The following HPSE2 variants were observed in gnomAD, a reference collection of about 807,000 sequenced individuals.
HPSE2 encodes heparanase 2 (inactive).
A neutral mutation model predicts 60.5 loss-of-function variants in HPSE2; 38 were observed. The ratio of observed to expected loss-of-function variants is 0.63; its 90% confidence interval spans 0.48 to 0.82. The LOEUF is 0.82. Ranked by LOEUF, HPSE2 falls within the 40% of genes least tolerant of loss-of-function variation. The pLI is 0.00. For missense variants in HPSE2, 713 were observed against 740.4 expected, an observed-to-expected ratio of 0.96 and a Z score of 0.43; for synonymous variants, 295 against 293.2, an observed-to-expected ratio of 1.01 and a Z score of -0.06.
chr10:98,930,234 T>C (rs1413519259), intron 3 of HPSE2, among the ~76,000 whole-genome samples: 1 of 143,824 alleles, frequency 7.0e-6, no homozygotes, highest in Non-Finnish European at 1.5e-5. Flanking sequence ...GAACATGCAG[T>C]GTTTGGTTTT....
At chr10:98,721,552 A>C (rs994189651) in intron 5 of HPSE2, 105 bp downstream of exon 5, 1 of 1,122,484 alleles carries the variant, frequency 8.9e-7, no homozygotes, top group Non-Finnish European at 1.3e-6. Context: ...CTTTTTTCTT[A>C]AGACCAAAAT....
chr10:98,749,070 T>C (rs930658918), intron 3 of HPSE2, among the ~76,000 whole-genome samples: 13 of 152,146 alleles, frequency 8.5e-5, no homozygotes, highest in African/African-American at 3.1e-4. Flanking sequence ...AGATTGTTTT[T>C]TTTAAATGCA....
At chr10:98,525,742 TG>T (rs1476645355) in intron 9 of HPSE2, among the ~76,000 whole-genome samples, 1 of 152,036 alleles carries the variant, frequency 6.6e-6, no homozygotes, top group East Asian at 1.9e-4. Context: ...TGGGATGGGT[TG>T]GGGGGCATGT....
chr10:99,261,718 A>T, the HPSE2 span, among the ~76,000 whole-genome samples: 1 of 152,128 alleles, frequency 6.6e-6, no homozygotes, highest in Admixed American at 6.5e-5. Context: ...CACCTTCAAG[A>T]TGTACAATAA....
intron 9 of HPSE2, among the ~76,000 whole-genome samples, chr10:98,535,211 G>A (rs971061432): frequency 4.6e-5 from 7 of 152,182 alleles, no homozygotes; most frequent in Admixed American, 1.3e-4. Flanking sequence ...AAAAGTCCAG[G>A]CAATTTTATA....
chr10:99,118,523 C>CAAAAA, intron 3 of HPSE2, among the ~76,000 whole-genome samples: 1 of 102,276 alleles, frequency 9.8e-6, no homozygotes, highest in East Asian at 2.8e-4. Context: ...ACTCCTTCTC[C>CAAAAA]AAAAAAAAAA....
intron 3 of HPSE2, among the ~76,000 whole-genome samples, chr10:99,112,525 G>A (rs890813953): frequency 5.9e-5 from 9 of 152,034 alleles, no homozygotes; most frequent in African/African-American, 1.9e-4. Context: ...TCCTGACCTC[G>A]TGATCCGTTT....
At chr10:98,779,411 C>G (rs1381996742) in intron 3 of HPSE2, among the ~76,000 whole-genome samples, 2 of 152,102 alleles carry the variant, frequency 1.3e-5, no homozygotes, top group East Asian at 3.9e-4. Context: ...CCACATTATT[C>G]AACTCACTCA....
intron 3 of HPSE2, among the ~76,000 whole-genome samples, chr10:98,984,778 A>G (rs1462748861): frequency 6.6e-6 from 1 of 152,226 alleles, no homozygotes; most frequent in Non-Finnish European, 1.5e-5. Flanking sequence ...AGAATAATCA[A>G]TGCAGAGAAG....
intron 6 of HPSE2, among the ~76,000 whole-genome samples, chr10:98,673,913 T>A (rs1363399829): frequency 1.3e-5 from 2 of 152,188 alleles, no homozygotes; most frequent in Non-Finnish European, 2.9e-5. Flanking sequence ...TAATGATATT[T>A]GTCTTGCTAG....
chr10:98,736,603 C>T (rs999526109), intron 4 of HPSE2, among the ~76,000 whole-genome samples: 5 of 152,122 alleles, frequency 3.3e-5, no homozygotes, highest in African/African-American at 1.2e-4. Flanking sequence ...TTAATTTATA[C>T]TTTTATTATA....
At chr10:98,482,551 T>C (rs1424717422) in intron 11 of HPSE2, 85 bp downstream of exon 11, 3 of 1,544,168 alleles carry the variant, frequency 1.9e-6, no homozygotes, top group Non-Finnish European at 2.7e-6. Flanking sequence ...TTGAGAGAAT[T>C]AGCAGCAACC....
intron 3 of HPSE2, among the ~76,000 whole-genome samples, chr10:98,983,558 C>T (rs986993014): frequency 6.6e-6 from 1 of 152,208 alleles, no homozygotes; most frequent in African/African-American, 2.4e-5. Flanking sequence ...GCAGTTGATC[C>T]TCTTCTAGCA....
intron 3 of HPSE2, among the ~76,000 whole-genome samples, chr10:99,133,400 C>G (rs1369135041): frequency 6.6e-6 from 1 of 152,230 alleles, no homozygotes; most frequent in Admixed American, 6.5e-5. Flanking sequence ...AAGGGTCAGA[C>G]TGCCGCCTCA....
At chr10:98,876,188 T>C (rs535355030) in intron 3 of HPSE2, among the ~76,000 whole-genome samples, 124 of 152,030 alleles carry the variant, frequency 8.2e-4, no homozygotes, top group Non-Finnish European at 1.6e-3. Context: ...TTTCCCATTA[T>C]AGGAAGGAGT....
At position 98,938,374 on chromosome 10, in the gene HPSE2, C is replaced by T. The variant is rs371857848; in HGVS notation, c.611-194318G>A. Among the ~76,000 whole-genome samples the T allele has an allele frequency of 6.3e-5, 9 of 143,630 alleles. 1 individual carries two copies. The highest frequency in any genetic ancestry group is 5.9e-4 in the East Asian group (3 of 5,088). The allele number at this position is 143,630 out of a possible 152,430, so 94.2% of individuals were successfully genotyped here. On this transcript the variant is annotated intron_variant, in intron 3 of 11. Transcript: ENST00000370552. ...TAGACAAATGTATAACTAGAATAAC[C>T]AATACAGAGAAGTGCTTAAAGTAGC...
intron 11 of HPSE2, among the ~76,000 whole-genome samples, chr10:98,467,476 AT>A (rs1481966615): frequency 6.6e-6 from 1 of 152,104 alleles, no homozygotes; most frequent in Non-Finnish European, 1.5e-5. Flanking sequence ...GGATTGTTAA[AT>A]GATGAGAGAG....
chr10:99,023,533 C>T (rs563501714), intron 3 of HPSE2, among the ~76,000 whole-genome samples: 2 of 152,260 alleles, frequency 1.3e-5, no homozygotes, highest in East Asian at 3.9e-4. Context: ...ATATAACAGG[C>T]TTTGGGCAAG....
chr10:98,532,110 G>C (rs1325280396), intron 9 of HPSE2, among the ~76,000 whole-genome samples: 1 of 152,128 alleles, frequency 6.6e-6, no homozygotes, highest in African/African-American at 2.4e-5. Context: ...GCCAGGCCAT[G>C]TGCAATGTTT....
Sources: gnomAD v4.1 joint callset for allele counts (sites outside exome capture counted in the v4.1 genomes callset) on GRCh38, gnomAD v4.1.1 for gene constraint, MANE v1.5 for transcripts, NCBI Gene and HGNC (gene_info 2026-07-23, HGNC 2026-07-21) for gene names.